Variants in FGD4 observed in about 807,000 individuals in gnomAD.
The protein encoded by FGD4 is FYVE, RhoGEF and PH domain containing 4.
A neutral mutation model predicts 102.0 loss-of-function variants in FGD4; 42 were observed. That is an observed-to-expected ratio of 0.41 (90% CI 0.32 to 0.53). The LOEUF (loss-of-function observed/expected upper bound fraction) is 0.53. Ranked by LOEUF, FGD4 falls within the 20% of genes least tolerant of loss-of-function variation. FGD4 has a pLI of 0.21. For synonymous variants in FGD4, 380 were observed against 375.7 expected (o/e 1.01, Z -0.13); for missense variants, 902 against 1,078.2 (o/e 0.84, Z 2.29).
chr12:32,538,336 C>G (rs117247016), intron 1 of FGD4, among the ~76,000 whole-genome samples: 14 of 152,292 alleles, frequency 9.2e-5, no homozygotes, highest in Non-Finnish European at 1.9e-4. Flanking sequence ...GAATACATTT[C>G]TAATATTCAG....
chr12:32,508,607 T>C (rs1268822786), intron 1 of FGD4, among the ~76,000 whole-genome samples: 2 of 152,222 alleles, frequency 1.3e-5, no homozygotes, highest in African/African-American at 4.8e-5. Context: ...TCTCTTCTTG[T>C]TAAGTCCAAC....
At position 32,641,046 on chromosome 12, in the gene FGD4, G is replaced by A; in HGVS notation, c.*513G>A. 1 of 158,922 alleles carries A rather than the reference G, an allele frequency of 6.3e-6. No homozygotes were observed. Among genetic ancestry groups the A allele is most frequent in the Admixed American group, 6.1e-5 (1 of 16,352 alleles). The allele number at this position is 158,922 out of a possible 1,614,324, so 9.8% of individuals were successfully genotyped here. A position where few individuals can be genotyped will look rare whatever the true frequency, so the allele number is the denominator to read the frequency against. Reference sequence around the variant, plus strand: ...CTGTTCTTTTAAAACAAAAGAAAAAGGACAAATTGTTGGTGTTCAGATTTC... The same window carrying A: ...CTGTTCTTTTAAAACAAAAGAAAAAAGACAAATTGTTGGTGTTCAGATTTC... On this transcript the variant is annotated 3_prime_UTR_variant, in exon 17 of 17. Transcript: ENST00000534526.
chr12:32,579,336 G>T (rs145059664), intron 3 of FGD4, among the ~76,000 whole-genome samples: 194 of 152,204 alleles, frequency 1.3e-3, no homozygotes, highest in Non-Finnish European at 1.9e-3. Context: ...GAGCTACCGT[G>T]CCCGGCCGGA....
chr12:32,582,542 T>C, intron 4 of FGD4, 75 bp downstream of exon 4: 1 of 1,572,784 alleles, frequency 6.4e-7, no homozygotes, highest in Non-Finnish European at 8.6e-7. Flanking sequence ...CTTTATTTAT[T>C]GCACCCCTGA....
chr12:32,461,782 A>G (rs1252236418), intron 1 of FGD4, among the ~76,000 whole-genome samples: 3 of 152,150 alleles, frequency 2.0e-5, no homozygotes, highest in Non-Finnish European at 2.9e-5. Flanking sequence ...GCTGGAGTGC[A>G]GTGCCGCGAT....
chr12:32,477,854 G>A (rs181354328), intron 1 of FGD4, among the ~76,000 whole-genome samples: 1 of 152,316 alleles, frequency 6.6e-6, no homozygotes, highest in East Asian at 1.9e-4. Context: ...TGGAACTTTT[G>A]TGGTGCAGCT....
chr12:32,568,019 G>A (rs1945332164), intron 2 of FGD4, among the ~76,000 whole-genome samples: 2 of 152,094 alleles, frequency 1.3e-5, no homozygotes, highest in Non-Finnish European at 2.9e-5. Context: ...GGAAAGTATT[G>A]CACATCTTTA....
chr12:32,570,127 A>G (rs1945521539), intron 2 of FGD4, among the ~76,000 whole-genome samples: 3 of 150,884 alleles, frequency 2.0e-5, no homozygotes, highest in Admixed American at 1.3e-4. Flanking sequence ...TGTAATCCCA[A>G]CTATTTGGGA....
At chr12:32,615,803 A>G (rs1290120705) in intron 10 of FGD4, among the ~76,000 whole-genome samples, 1 of 152,098 alleles carries the variant, frequency 6.6e-6, no homozygotes, top group African/African-American at 2.4e-5. Context: ...AGGATTGGCT[A>G]GTTGGAATAA....
chr12:32,618,304 G>T (rs1449426306), intron 10 of FGD4, among the ~76,000 whole-genome samples: 3 of 152,180 alleles, frequency 2.0e-5, no homozygotes, highest in African/African-American at 7.2e-5. Context: ...TGGTGGCTCT[G>T]TAGCTCCTGC....
chr12:32,527,381 T>G (rs1941360363), intron 1 of FGD4, among the ~76,000 whole-genome samples: 1 of 151,868 alleles, frequency 6.6e-6, no homozygotes, highest in South Asian at 2.1e-4. Flanking sequence ...TGCCCTCACT[T>G]GACCAGGGGC....
chr12:32,598,159 C>T (rs1051606130), intron 4 of FGD4, among the ~76,000 whole-genome samples: 3 of 151,998 alleles, frequency 2.0e-5, no homozygotes, highest in African/African-American at 4.8e-5. Context: ...GACAAGATGT[C>T]TGAGTGATAA....
chr12:32,549,439 C>T (rs1943482820), intron 1 of FGD4, among the ~76,000 whole-genome samples: 1 of 152,102 alleles, frequency 6.6e-6, no homozygotes, highest in African/African-American at 2.4e-5. Flanking sequence ...CTCGTCCTTC[C>T]ATCCGAATCA....
intron 1 of FGD4, among the ~76,000 whole-genome samples, chr12:32,513,500 ACT>A (rs1302778581): frequency 6.6e-6 from 1 of 152,132 alleles, no homozygotes; most frequent in Non-Finnish European, 1.5e-5. Flanking sequence ...TGGGAAGATG[ACT>A]CTGATGGAAC....
chr12:32,420,318 T>C (rs1030353377), intron 1 of FGD4, among the ~76,000 whole-genome samples: 10 of 152,180 alleles, frequency 6.6e-5, no homozygotes, highest in African/African-American at 2.4e-4. Flanking sequence ...ATCTAGCACC[T>C]ACTACAAGTT....
chr12:32,528,096 A>G (rs1941440305), intron 1 of FGD4, among the ~76,000 whole-genome samples: 1 of 151,658 alleles, frequency 6.6e-6, no homozygotes, highest in Non-Finnish European at 1.5e-5. Context: ...ATCCCACCAC[A>G]CCTGGCTGAT....
intron 1 of FGD4, among the ~76,000 whole-genome samples, chr12:32,458,608 A>G (rs1943013318): frequency 6.6e-6 from 1 of 152,170 alleles, no homozygotes; most frequent in African/African-American, 2.4e-5. Flanking sequence ...TTATGCAAAG[A>G]TCATCGTTTG....
chr12:32,472,933 C>T (rs1222299112), intron 1 of FGD4, among the ~76,000 whole-genome samples: 1 of 151,950 alleles, frequency 6.6e-6, no homozygotes, highest in Non-Finnish European at 1.5e-5. Context: ...ATATACCAAT[C>T]GGCACTCTGT....
At chr12:32,568,076 C>T (rs1351956428) in intron 2 of FGD4, among the ~76,000 whole-genome samples, 7 of 138,772 alleles carry the variant, frequency 5.0e-5, no homozygotes, top group Admixed American at 1.4e-4. Context: ...ATATGGTTTA[C>T]GTTTTTGTGT....
Sources: allele counts gnomAD v4.1 joint callset (sites outside exome capture counted in the v4.1 genomes callset), GRCh38; gene constraint gnomAD v4.1.1; transcripts MANE v1.5; gene names NCBI Gene and HGNC (gene_info 2026-07-23, HGNC 2026-07-21).